The following TIMM44 variants were observed in gnomAD, a reference collection of about 807,000 sequenced individuals.
The protein encoded by TIMM44 is mitochondrial import inner membrane translocase subunit TIM44.
A neutral mutation model predicts 63.8 loss-of-function variants in TIMM44; 37 were observed. The observed-to-expected ratio is 0.58, with a 90% confidence interval of 0.45 to 0.76. The LOEUF is 0.76. Ranked by LOEUF, TIMM44 falls within the 30% of genes least tolerant of loss-of-function variation. The pLI, the probability that TIMM44 is intolerant of heterozygous loss-of-function variation, is 0.00. For missense variants in TIMM44, 573 were observed against 603.8 expected, an observed-to-expected ratio of 0.95 and a Z score of 0.54; for synonymous variants, 239 against 245.1, an observed-to-expected ratio of 0.98 and a Z score of 0.23.
chr19:7,943,569 C>G lies in TIMM44; in HGVS notation c.45+38G>C, dbSNP rs573789823. On this transcript the variant is annotated intron_variant, in intron 1 of 12. Coordinates refer to ENST00000270538, the MANE Select transcript of TIMM44 (RefSeq NM_006351.4). This position sits in a 1 kb window ranked among gnomAD's most constrained non-coding sequence, Gnocchi z 4.3. ...CTTGGTGGCCGAAGGCCCAGAAGAC[C>G]CCTAAGCTCGCCCTGCCAGCGCCGC... The G allele has an allele frequency of 1.3e-5, 21 of 1,562,552 alleles. No individual in the cohort carries two copies. The East Asian group carries it at 5.0e-4, about 37-fold the overall frequency.
chr19:7,930,473 T>C (rs1983950290), intron 10 of TIMM44, among the ~76,000 whole-genome samples: 1 of 151,976 alleles, frequency 6.6e-6, no homozygotes, highest in East Asian at 1.9e-4. Context: ...CATGCCTGGC[T>C]AACTTTTTAT....
At chr19:7,929,689 G>GCC (rs879460062) in intron 10 of TIMM44, among the ~76,000 whole-genome samples, 2 of 147,582 alleles carry the variant, frequency 1.4e-5, no homozygotes, top group African/African-American at 2.5e-5. Flanking sequence ...TTGACTCCCA[G>GCC]CCCCCCCCCA....
Position 7,927,274 on chromosome 19 carries a change from C to A in TIMM44, c.1272G>T (p.Ala424=). The part of the protein sequence containing the change: ...DKVLRMLYVW[A]LCRDQDELNP... The stretch of plus-strand genomic sequence containing the variant: ...TGAGCTCGTCCTGGTCTCGGCAGAG[C>A]GCCCACACGTACAGCATCCGCAGCA... Residue 424 remains alanine (A), a synonymous_variant, in exon 13 of 13, where the codon GCG becomes GCT. Coordinates refer to ENST00000270538, the MANE Select transcript of TIMM44 (RefSeq NM_006351.4). The A allele has an allele frequency of 6.8e-6, 11 of 1,611,882 alleles. No individual in the cohort carries two copies. The highest frequency in any genetic ancestry group is 9.3e-6 in the Non-Finnish European group (11 of 1,179,958).
rs1361777845 is a variant in TIMM44, at chr19:7,933,804, ATG to A, written c.683+58_683+59del. The A allele has an allele frequency of 6.2e-7, 1 of 1,609,734 alleles. No homozygotes were observed. Among genetic ancestry groups the A allele is most frequent in the Non-Finnish European group, 8.5e-7 (1 of 1,178,316 alleles). On this transcript the variant is annotated intron_variant, in intron 6 of 12. Transcript: ENST00000270538. This position sits in a 1 kb window ranked among gnomAD's most constrained non-coding sequence, Gnocchi z 4.3. ...AGGGAACCATTGGTGGGCTCCCGAA[ATG>A]GACAGCAGTGAAAGCTGCCCAAAAT...
chr19:7,935,855 A>T (rs1984140223), intron 3 of TIMM44, among the ~76,000 whole-genome samples: 1 of 151,838 alleles, frequency 6.6e-6, no homozygotes, highest in Admixed American at 6.6e-5. Flanking sequence ...TCTTCAGATG[A>T]CCCCTGCATT....
Position 7,934,146 on chromosome 19 carries a change from C to T in TIMM44, c.486G>A (p.Ser162=), listed in dbSNP as rs546770130. 1.2e-5 allele frequency: 19 copies of T among 1,613,512 alleles called. No individual in the cohort carries two copies. The highest frequency in any genetic ancestry group is 3.3e-5 in the Admixed American group (2 of 60,032). ...CCAGCTTCTCCCCGCCTTTGGATAC[C>T]GACTCGGCCGACTGCTTGGCCGTCT... ...AAKTAKQSAE[S]VSKGGEKLGR... is the part of the protein sequence containing the mutation. The change falls in exon 5 of 13, where the codon TCG becomes TCA. Residue 162 remains serine, a synonymous_variant. Coordinates refer to ENST00000270538, the MANE Select transcript of TIMM44 (RefSeq NM_006351.4). The surrounding 1 kb of genome is among the most constrained non-coding windows in gnomAD (Gnocchi z 5.3).
intron 9 of TIMM44, chr19:7,931,800 AG>A: frequency 6.2e-6 from 1 of 160,078 alleles, no homozygotes; most frequent in Non-Finnish European, 1.4e-5. Flanking sequence ...GAAAGCTGTG[AG>A]CGGCAGGGGG....
chr19:7,932,386 C>T (rs1302321515), intron 9 of TIMM44: 4 of 576,802 alleles, frequency 6.9e-6, no homozygotes, highest in Non-Finnish European at 1.2e-5. Context: ...CAGCCTCAGG[C>T]AGGAGGAGTG....
rs779257485 is a variant in TIMM44 at position 7,932,946 on chromosome 19, G to T, written c.770-14C>A. Reference sequence around the variant, plus strand: ...TCTCGAAGAACCCTGTGGAAGATGGGGTAGGTGCTGGAGAAGGGGCCCCTT... The same window carrying T: ...TCTCGAAGAACCCTGTGGAAGATGGTGTAGGTGCTGGAGAAGGGGCCCCTT... On this transcript the variant is annotated splice_polypyrimidine_tract_variant and intron_variant, in intron 7 of 12. Coordinates refer to ENST00000270538, the MANE Select transcript of TIMM44 (RefSeq NM_006351.4). 1 of 1,609,858 alleles carries T rather than the reference G, an allele frequency of 6.2e-7. No homozygotes were observed. The highest frequency in any genetic ancestry group is 1.3e-5 in the African/African-American group (1 of 74,942).
chr19:7,941,189 G>A lies in TIMM44; in HGVS notation c.54C>T (p.Leu18=), dbSNP rs145451928. 33 of 1,613,398 alleles carry A rather than the reference G, an allele frequency of 2.0e-5. No homozygotes were observed. The highest frequency in any genetic ancestry group is 1.3e-4 in the African/African-American group (10 of 75,006). Residue 18 remains leucine (L), a synonymous_variant, in exon 2 of 13, where the codon CTC becomes CTT. Transcript: ENST00000270538. ...TGGAAAGAAATTGGATTCCACTGCC[G>A]AGGCATCTCTAATTGGGGGGAGAGA... The part of the protein sequence containing the change: ...SGWCRCPRRC[L]GSGIQFLSSH...
rs139625465 is a variant in TIMM44, at chr19:7,932,691, G to A, written c.923C>T (p.Pro308Leu). The A allele has an allele frequency of 5.0e-6, 8 of 1,614,140 alleles. No individual in the cohort carries two copies. The highest frequency in any genetic ancestry group is 4.0e-5 in the African/African-American group (3 of 75,048). Residue 308 changes from proline to leucine, a missense_variant, in exon 9 of 13, where the codon CCG (proline) becomes CTG (leucine). Pro to Leu is a moderately conservative substitution (Grantham distance 98). Transcript: ENST00000270538. The part of the protein sequence containing the change: ...EVLTEILRVD[P>L]AFDKDRFLKQ... ...CAGAAACCGGTCCTTGTCAAAGGCC[G>A]GGTCCACCCGGAGGATCTCCGTGAG...
At chr19:7,928,523 G>A (rs917312158) in intron 10 of TIMM44, 2 of 273,018 alleles carry the variant, frequency 7.3e-6, no homozygotes, top group Non-Finnish European at 7.2e-6. Context: ...ATCTTGGCCT[G>A]AGATCAAACG....
At chr19:7,929,289 C>A (rs1302952053) in intron 10 of TIMM44, among the ~76,000 whole-genome samples, 1 of 152,174 alleles carries the variant, frequency 6.6e-6, no homozygotes, top group Admixed American at 6.5e-5. Context: ...GCCCCCGAAC[C>A]CCAAGCTTTG....
intron 2 of TIMM44, among the ~76,000 whole-genome samples, chr19:7,940,450 C>G (rs1481588435): frequency 2.0e-5 from 3 of 151,924 alleles, no homozygotes; most frequent in Non-Finnish European, 4.4e-5. Flanking sequence ...GGGGACTAGA[C>G]AAGAAAGGGA....
chr19:7,929,293 A>G (rs1033121554), intron 10 of TIMM44, among the ~76,000 whole-genome samples: 2 of 152,148 alleles, frequency 1.3e-5, no homozygotes, highest in East Asian at 1.9e-4. Context: ...CCGAACCCCA[A>G]GCTTTGACTC....
At chr19:7,927,600 A>G in intron 12 of TIMM44, 57 bp downstream of exon 12, 1 of 1,542,274 alleles carries the variant, frequency 6.5e-7, no homozygotes, top group African/African-American at 1.4e-5. Context: ...GTGGCCACAC[A>G]CAGATCTTGG....
intron 9 of TIMM44, chr19:7,932,368 AG>A (rs550756184): frequency 4.5e-4 from 246 of 542,454 alleles, no homozygotes; most frequent in African/African-American, 4.2e-3. Context: ...GCAACCTCAA[AG>A]GAACAACAGC....
chr19:7,939,106 C>T (rs1984232012), intron 2 of TIMM44, among the ~76,000 whole-genome samples: 1 of 152,050 alleles, frequency 6.6e-6, no homozygotes, highest in African/African-American at 2.4e-5. Context: ...AGAGAATGTA[C>T]ACCACCAAGA....
intron 1 of TIMM44, among the ~76,000 whole-genome samples, chr19:7,942,147 G>C (rs868840244): frequency 6.6e-6 from 1 of 152,152 alleles, no homozygotes; most frequent in Non-Finnish European, 1.5e-5. Context: ...AGGAGTTCGA[G>C]ATCAGCCTGG....
Sources: allele counts gnomAD v4.1 joint callset (sites outside exome capture counted in the v4.1 genomes callset), GRCh38; gene constraint gnomAD v4.1.1; non-coding constraint Gnocchi (gnomAD v3.1); transcripts MANE v1.5; gene names NCBI Gene and HGNC (gene_info 2026-07-23, HGNC 2026-07-21).